Variants in HIGD1C observed in about 807,000 individuals in gnomAD.
The protein encoded by HIGD1C is HIG1 domain family member 1C.
In HIGD1C, 11 loss-of-function variants were observed where a neutral mutation model predicts 13.1. The observed-to-expected ratio is 0.84, with a 90% confidence interval of 0.53 to 1.39. The LOEUF (loss-of-function observed/expected upper bound fraction) is 1.39. Ranked by LOEUF, HIGD1C falls within the 40% of genes most tolerant of loss-of-function variation. The probability of loss-of-function intolerance (pLI) is 0.00; values close to 1 mark genes in which losing one functional copy is unlikely to be tolerated. For missense variants in HIGD1C, 110 were observed against 112.0 expected, an observed-to-expected ratio of 0.98 and a Z score of 0.08; for synonymous variants, 36 against 37.7, an observed-to-expected ratio of 0.95 and a Z score of 0.17.
At chr12:50,948,102 G>A in the HIGD1C span, among the ~76,000 whole-genome samples, 1 of 152,160 alleles carries the variant, frequency 6.6e-6, no homozygotes, top group African/African-American at 2.4e-5. Flanking sequence ...GCTCACATTT[G>A]TCTCTGACAC....
the HIGD1C span, among the ~76,000 whole-genome samples, chr12:50,944,195 C>G: frequency 6.6e-6 from 1 of 152,170 alleles, no homozygotes; most frequent in Non-Finnish European, 1.5e-5. Context: ...CTCCCAGGCT[C>G]TGCAACAATA....
At chr12:50,937,985 T>A in the HIGD1C span, among the ~76,000 whole-genome samples, 3 of 152,176 alleles carry the variant, frequency 2.0e-5, no homozygotes, top group African/African-American at 4.8e-5. Context: ...ATTCTCACTC[T>A]GAGTTGTGGA....
chr12:50,939,866 G>T, the HIGD1C span: 5 of 151,302 alleles, frequency 3.3e-5, no homozygotes, highest in African/African-American at 2.4e-5. Flanking sequence ...TATCAGAAAA[G>T]ATATTTTACT....
the HIGD1C span, among the ~76,000 whole-genome samples, chr12:50,938,973 A>G: frequency 6.6e-6 from 1 of 152,196 alleles, no homozygotes; most frequent in Non-Finnish European, 1.5e-5. Flanking sequence ...CTTAGCAAGC[A>G]ATTTTCCTGG....
At chr12:50,952,924 G>A (rs894181425), upstream of HIGD1C, among the ~76,000 whole-genome samples, 1 of 152,108 alleles carries the variant, frequency 6.6e-6, no homozygotes, top group African/African-American at 2.4e-5. Context: ...AGACTCAACA[G>A]TCACAGAGGG....
chr12:50,968,277 A>C (rs1051622717), intron 2 of HIGD1C, among the ~76,000 whole-genome samples: 3 of 152,236 alleles, frequency 2.0e-5, no homozygotes, highest in Non-Finnish European at 4.4e-5. Flanking sequence ...AAGGAAAGAT[A>C]AACTGGAATC....
intron 1 of HIGD1C, among the ~76,000 whole-genome samples, chr12:50,958,961 G>C (rs1439397615): frequency 2.6e-5 from 4 of 151,808 alleles, no homozygotes; most frequent in Non-Finnish European, 5.9e-5. Context: ...AGGTTGCAGT[G>C]AGCTGAGATT....
the HIGD1C span, among the ~76,000 whole-genome samples, chr12:50,947,253 C>T: frequency 1.3e-5 from 2 of 152,180 alleles, no homozygotes; most frequent in Non-Finnish European, 2.9e-5. Flanking sequence ...ATTACCATAA[C>T]CTAAGTGGCT....
At chr12:50,953,857 T>G, upstream of HIGD1C, 1 of 557,882 alleles carries the variant, frequency 1.8e-6, no homozygotes, top group Admixed American at 3.2e-5. Context: ...GAAAGACAAT[T>G]GTTTCAGTTG....
upstream of HIGD1C, chr12:50,953,851 G>C (rs1232978240): frequency 1.3e-5 from 7 of 553,254 alleles, no homozygotes; most frequent in Admixed American, 9.8e-5. Flanking sequence ...GTGAAGGAAA[G>C]ACAATTGTTT....
upstream of HIGD1C, among the ~76,000 whole-genome samples, chr12:50,952,500 G>A (rs901386903): frequency 6.6e-6 from 1 of 152,034 alleles, no homozygotes; most frequent in Non-Finnish European, 1.5e-5. Context: ...GGTCTCAAGG[G>A]GCCCCAAGGC....
intron 1 of HIGD1C, among the ~76,000 whole-genome samples, chr12:50,958,681 G>C (rs550355359): frequency 6.6e-6 from 1 of 152,180 alleles, no homozygotes; most frequent in African/African-American, 2.4e-5. Context: ...GTGTGGTACT[G>C]ATGGAAGGTC....
At chr12:50,951,182 G>C (rs528799570), upstream of HIGD1C, among the ~76,000 whole-genome samples, 1 of 152,282 alleles carries the variant, frequency 6.6e-6, no homozygotes, top group Non-Finnish European at 1.5e-5. Context: ...AGTAACCACA[G>C]TGGAGAACCA....
At chr12:50,962,881 A>G (rs1271197493) in intron 2 of HIGD1C, among the ~76,000 whole-genome samples, 1 of 152,130 alleles carries the variant, frequency 6.6e-6, no homozygotes, top group African/African-American at 2.4e-5. Flanking sequence ...AAACAAAGGC[A>G]CAGAAGCATG....
intron 1 of HIGD1C, among the ~76,000 whole-genome samples, chr12:50,958,769 C>T (rs1014692571): frequency 6.6e-6 from 1 of 151,644 alleles, no homozygotes; most frequent in East Asian, 2.0e-4. Context: ...GTAATCCCAG[C>T]ACTTCAGGAG....
chr12:50,934,229 G>A, the HIGD1C span, among the ~76,000 whole-genome samples: 2 of 152,170 alleles, frequency 1.3e-5, no homozygotes, highest in African/African-American at 2.4e-5. Flanking sequence ...TTAGAACACT[G>A]GATTTTCAGT....
chr12:50,946,147 T>C, the HIGD1C span, among the ~76,000 whole-genome samples: 3 of 152,112 alleles, frequency 2.0e-5, no homozygotes, highest in African/African-American at 7.2e-5. Context: ...ACCTAGGCAA[T>C]ATCATTCAGG....
At chr12:50,933,233 A>G in the HIGD1C span, among the ~76,000 whole-genome samples, 1 of 152,220 alleles carries the variant, frequency 6.6e-6, no homozygotes, top group African/African-American at 2.4e-5. Context: ...CATTGCTGCC[A>G]TAACACCTTC....
At chr12:50,952,186 T>C (rs981639014), upstream of HIGD1C, among the ~76,000 whole-genome samples, 3 of 151,602 alleles carry the variant, frequency 2.0e-5, no homozygotes, top group Non-Finnish European at 4.4e-5. Context: ...CACTGTACTA[T>C]GGTTATATAA....
Sources: allele counts gnomAD v4.1 joint callset (sites outside exome capture counted in the v4.1 genomes callset), GRCh38; gene constraint gnomAD v4.1.1; transcripts MANE v1.5; gene names NCBI Gene and HGNC (gene_info 2026-07-23, HGNC 2026-07-21).